TLCD4: variants seen among roughly 807,000 people sequenced by gnomAD.
TLCD4 encodes the protein TLC domain containing 4, also known as TLC domain-containing protein 4.
TLCD4 carries 7 observed loss-of-function variants against 24.2 expected under a neutral mutation model. The observed-to-expected ratio is 0.29, with a 90% CI of 0.16 to 0.54. The LOEUF (loss-of-function observed/expected upper bound fraction) is 0.54. Ranked by LOEUF, TLCD4 falls within the 20% of genes least tolerant of loss-of-function variation. TLCD4 has a pLI of 0.95. For synonymous variants in TLCD4, 103 were observed against 106.4 expected, an observed-to-expected ratio of 0.97 and a Z score of 0.20; for missense variants, 259 against 313.9, an observed-to-expected ratio of 0.82 and a Z score of 1.32.
intron 3 of TLCD4, 103 bp from the exon 4 acceptor site, chr1:95,150,105 T>A: frequency 7.1e-7 from 1 of 1,411,700 alleles, no homozygotes; most frequent in Non-Finnish European, 9.4e-7. Context: ...CATTTGAGAA[T>A]CTATAGAAAG....
chr1:95,099,071 A>AAAAAAAAAAAAAAAAAAC, the TLCD4 span, among the ~76,000 whole-genome samples: 1 of 151,102 alleles, frequency 6.6e-6, no homozygotes, highest in Non-Finnish European at 1.5e-5. Flanking sequence ...AAAAAAAAAA[A>AAAAAAAAAAAAAAAAAAC]AAAAGAACAG....
intron 6 of TLCD4, among the ~76,000 whole-genome samples, chr1:95,180,618 C>A (rs1225787733): frequency 6.6e-6 from 1 of 152,038 alleles, no homozygotes; most frequent in African/African-American, 2.4e-5. Flanking sequence ...AGTGAAATTT[C>A]TGCTGCTGAG....
chr1:95,153,869 G>C (rs1228628268), intron 5 of TLCD4, among the ~76,000 whole-genome samples: 2 of 152,102 alleles, frequency 1.3e-5, no homozygotes, highest in African/African-American at 4.8e-5. Flanking sequence ...CTAAGTGGAA[G>C]GGGGAGTAGA....
intron 6 of TLCD4, among the ~76,000 whole-genome samples, chr1:95,182,316 A>G (rs1678674452): frequency 6.6e-6 from 1 of 151,270 alleles, no homozygotes. Context: ...AGAACCTGGT[A>G]GTTTAGCTTA....
chr1:95,190,771 A>G (rs1487117413), intron 6 of TLCD4, among the ~76,000 whole-genome samples: 2 of 152,202 alleles, frequency 1.3e-5, no homozygotes, highest in Non-Finnish European at 2.9e-5. Context: ...GTTTTCATCT[A>G]TATATATTTT....
intron 6 of TLCD4, among the ~76,000 whole-genome samples, chr1:95,186,535 G>A (rs1422629613): frequency 1.3e-5 from 2 of 152,198 alleles, no homozygotes; most frequent in African/African-American, 4.8e-5. Context: ...TAGTTTAGGT[G>A]AGATTGGGTA....
intron 1 of TLCD4, among the ~76,000 whole-genome samples, chr1:95,134,100 C>T (rs1030706841): frequency 9.2e-5 from 14 of 151,910 alleles, no homozygotes; most frequent in Admixed American, 6.6e-4. Flanking sequence ...GCGTTATTTT[C>T]GAGGCAGAAA....
chr1:95,158,188 CT>C (rs5776255), intron 5 of TLCD4, among the ~76,000 whole-genome samples: 5,132 of 128,642 alleles, frequency 0.04, 71 homozygotes, highest in Middle Eastern at 0.059. Context: ...TTAATTTTTT[CT>C]TTTTTTTTTT....
chr1:95,157,849 A>G (rs1268458104), intron 5 of TLCD4, among the ~76,000 whole-genome samples: 1 of 152,190 alleles, frequency 6.6e-6, no homozygotes, highest in East Asian at 1.9e-4. Context: ...ATTCCAGTAT[A>G]TTCTATTTAT....
At chr1:95,131,322 G>A (rs540326604) in intron 1 of TLCD4, among the ~76,000 whole-genome samples, 31 of 152,176 alleles carry the variant, frequency 2.0e-4, no homozygotes, top group Non-Finnish European at 2.1e-4. Context: ...GAGGGGTATG[G>A]AAGGGAGTTA....
chr1:95,161,397 CTTCT>C (rs1325538067), intron 5 of TLCD4, among the ~76,000 whole-genome samples: 1 of 151,990 alleles, frequency 6.6e-6, no homozygotes, highest in Non-Finnish European at 1.5e-5. Context: ...TCTCTCTTTT[CTTCT>C]TTATTAGTCT....
intron 1 of TLCD4, among the ~76,000 whole-genome samples, chr1:95,129,785 C>T (rs1676838257): frequency 6.6e-6 from 1 of 152,166 alleles, no homozygotes; most frequent in Non-Finnish European, 1.5e-5. Context: ...AGGGCTTCTT[C>T]ACCTTTCCTA....
chr1:95,122,330 G>C (rs1052941920), intron 1 of TLCD4, among the ~76,000 whole-genome samples: 3 of 152,224 alleles, frequency 2.0e-5, no homozygotes, highest in African/African-American at 7.2e-5. Context: ...CTGCACTCCA[G>C]CCTGGGCAAT....
rs1271425696 is a variant in TLCD4, at chr1:95,191,986, T to C, written c.*118T>C. The C allele has an allele frequency of 6.9e-7, 1 of 1,453,346 alleles. No individual in the cohort carries two copies. 90.0% of individuals were successfully genotyped at this position (1,453,346 alleles called of 1,614,324 possible). ...ATAATTGTTATTCAGGATTTCAGTG[T>C]CATTTTTTTTAAACCTTAGAAAAGA... On this transcript the variant is annotated 3_prime_UTR_variant, in exon 7 of 7. Transcript: ENST00000370203.
the TLCD4 span, among the ~76,000 whole-genome samples, chr1:95,095,447 G>C: frequency 6.6e-5 from 10 of 151,888 alleles, no homozygotes. Context: ...TCCCAGGCTG[G>C]AGTGCAGTGG....
rs1042818242 is a variant in TLCD4, at chr1:95,178,565, T to G, written c.473+4676T>G. On this transcript the variant is annotated intron_variant, in intron 6 of 6. Transcript: ENST00000370203. ...GGCGTGAGCCACCATGCCCAGCCCT[T>G]TTTTTTTTTTTTTTTTTTTTTGAGA... 6.3e-5 allele frequency among the ~76,000 whole-genome samples: 3 copies of G among 47,924 alleles called. No homozygotes were observed. The Admixed American group carries it at 7.0e-4, about 11-fold the overall frequency. The allele number at this position is 47,924 out of a possible 152,430, so 31.4% of individuals were successfully genotyped here. A position where few individuals can be genotyped will look rare whatever the true frequency, so the allele number is the denominator to read the frequency against.
intron 5 of TLCD4, among the ~76,000 whole-genome samples, chr1:95,169,635 AT>A (rs35581795): frequency 0.98 from 148,270 of 151,886 alleles, 72,425 homozygotes; most frequent in East Asian, 1. Context: ...ATACTTCATG[AT>A]TTTTTTTTTA....
At chr1:95,160,180 C>A (rs192924026) in intron 5 of TLCD4, among the ~76,000 whole-genome samples, 65 of 152,180 alleles carry the variant, frequency 4.3e-4, no homozygotes, top group African/African-American at 1.5e-3. Flanking sequence ...CTTTTATTTC[C>A]TTGAGCAGTG....
At chr1:95,099,891 G>T in the TLCD4 span, among the ~76,000 whole-genome samples, 1 of 151,762 alleles carries the variant, frequency 6.6e-6, no homozygotes, top group Admixed American at 6.6e-5. Context: ...CAGCACTTTG[G>T]GAGGCTGAGG....
Sources: gnomAD v4.1 joint callset for allele counts (sites outside exome capture counted in the v4.1 genomes callset) on GRCh38, gnomAD v4.1.1 for gene constraint, MANE v1.5 for transcripts, NCBI Gene and HGNC (gene_info 2026-07-23, HGNC 2026-07-21) for gene names.